RPH3A: variants seen among roughly 807,000 people sequenced by gnomAD.
RPH3A encodes the protein rabphilin 3A, also known as rabphilin-3A.
A neutral mutation model predicts 102.2 loss-of-function variants in RPH3A; 48 were observed. The ratio of observed to expected loss-of-function variants is 0.47; its 90% CI spans 0.37 to 0.60. The LOEUF is 0.60. RPH3A is among the 20% of genes least tolerant of loss of function. The pLI is 0.00. For synonymous variants in RPH3A, 310 were observed against 324.3 expected, an observed-to-expected ratio of 0.96 and a Z score of 0.47; for missense variants, 781 against 910.1, an observed-to-expected ratio of 0.86 and a Z score of 1.83.
At chr12:112,783,522 T>C (rs2041023154) in intron 1 of RPH3A, among the ~76,000 whole-genome samples, 2 of 152,216 alleles carry the variant, frequency 1.3e-5, no homozygotes, top group Non-Finnish European at 2.9e-5. Flanking sequence ...TTAGTCATTT[T>C]GGTATCTCCA....
intron 1 of RPH3A, among the ~76,000 whole-genome samples, chr12:112,616,977 T>C (rs2039685043): frequency 6.6e-6 from 1 of 152,200 alleles, no homozygotes; most frequent in Non-Finnish European, 1.5e-5. Flanking sequence ...AGATTTTGAC[T>C]CTGGGCAAGG....
intron 5 of RPH3A, among the ~76,000 whole-genome samples, chr12:112,863,038 G>A (rs1026456175): frequency 6.6e-5 from 10 of 152,152 alleles, no homozygotes; most frequent in African/African-American, 2.4e-4. Flanking sequence ...CCTCATTTGA[G>A]GGATGGGCAA....
intron 5 of RPH3A, among the ~76,000 whole-genome samples, chr12:112,851,285 T>A (rs2042318930): frequency 6.6e-6 from 1 of 152,216 alleles, no homozygotes; most frequent in South Asian, 2.1e-4. Flanking sequence ...AAGGTACACA[T>A]CCCTATTGGC....
intron 5 of RPH3A, among the ~76,000 whole-genome samples, chr12:112,855,510 C>T (rs894097415): frequency 6.6e-6 from 1 of 152,142 alleles, no homozygotes; most frequent in East Asian, 1.9e-4. Flanking sequence ...AGTGCTGAGG[C>T]CCAGGCAGGA....
At chr12:112,602,799 A>G (rs1455032872) in intron 1 of RPH3A, among the ~76,000 whole-genome samples, 2 of 151,500 alleles carry the variant, frequency 1.3e-5, no homozygotes, top group Non-Finnish European at 2.9e-5. Context: ...TAAAAGAGAG[A>G]AAAAAAAAGA....
At chr12:112,863,195 T>C (rs1223855041) in intron 5 of RPH3A, among the ~76,000 whole-genome samples, 1 of 152,242 alleles carries the variant, frequency 6.6e-6, no homozygotes, top group Non-Finnish European at 1.5e-5. Flanking sequence ...ATGTAGCACC[T>C]CAGGCCCCAC....
At chr12:112,811,923 G>T (rs1004496697) in intron 2 of RPH3A, among the ~76,000 whole-genome samples, 1 of 152,076 alleles carries the variant, frequency 6.6e-6, no homozygotes, top group Non-Finnish European at 1.5e-5. Context: ...TCAACAATAG[G>T]CTAGAACTGA....
intron 1 of RPH3A, among the ~76,000 whole-genome samples, chr12:112,757,590 T>A (rs1289847762): frequency 2.6e-5 from 4 of 152,116 alleles, no homozygotes; most frequent in Non-Finnish European, 5.9e-5. Flanking sequence ...TTAAAAAAAA[T>A]TTTACTCAAC....
chr12:112,661,901 TG>T (rs1237504395), intron 1 of RPH3A, among the ~76,000 whole-genome samples: 1 of 152,124 alleles, frequency 6.6e-6, no homozygotes, highest in East Asian at 1.9e-4. Context: ...CATTTTGGGT[TG>T]GTGGCCATCG....
upstream of RPH3A, among the ~76,000 whole-genome samples, chr12:112,786,813 A>G (rs1175004141): frequency 1.3e-5 from 2 of 152,210 alleles, no homozygotes; most frequent in East Asian, 1.9e-4. Context: ...CTGCTGTAAC[A>G]AATAACCACA....
chr12:112,592,810 G>T (rs1464207074), intron 1 of RPH3A, among the ~76,000 whole-genome samples: 1 of 152,184 alleles, frequency 6.6e-6, no homozygotes, highest in African/African-American at 2.4e-5. Context: ...GACCCTTGTA[G>T]TTAAGCGGGG....
intron 1 of RPH3A, among the ~76,000 whole-genome samples, chr12:112,723,134 T>C (rs558855766): frequency 2.3e-4 from 35 of 152,270 alleles, no homozygotes; most frequent in African/African-American, 8.4e-4. Flanking sequence ...AGTTGGCCCT[T>C]GAGCAGTGTA....
chr12:112,740,141 C>A (rs1438446338), intron 1 of RPH3A, among the ~76,000 whole-genome samples: 1 of 152,136 alleles, frequency 6.6e-6, no homozygotes, highest in Non-Finnish European at 1.5e-5. Context: ...TTGACTGCTT[C>A]TTTTAGCCTT....
chr12:112,890,717 T>A, intron 18 of RPH3A, 132 bp from the exon 19 acceptor site: 1 of 952,954 alleles, frequency 1.0e-6, no homozygotes. Context: ...AGCCATCTGC[T>A]GTCCCTGGTA....
chr12:112,628,290 A>G (rs1416904463), intron 1 of RPH3A, among the ~76,000 whole-genome samples: 2 of 152,068 alleles, frequency 1.3e-5, no homozygotes, highest in African/African-American at 2.4e-5. Flanking sequence ...CTGAGGTTGG[A>G]GTCTGCCTGG....
intron 1 of RPH3A, among the ~76,000 whole-genome samples, chr12:112,760,952 T>G (rs2040850948): frequency 6.6e-6 from 1 of 152,138 alleles, no homozygotes; most frequent in Non-Finnish European, 1.5e-5. Flanking sequence ...CAATCAACAC[T>G]GATATGATGA....
chr12:112,647,593 G>A (rs1342101074), intron 1 of RPH3A, among the ~76,000 whole-genome samples: 1 of 137,906 alleles, frequency 7.3e-6, no homozygotes, highest in African/African-American at 2.7e-5. Context: ...TAGAGAGGGT[G>A]TGTGTGTGTG....
chr12:112,745,786 T>C (rs868405937), intron 1 of RPH3A, among the ~76,000 whole-genome samples: 9 of 152,198 alleles, frequency 5.9e-5, no homozygotes, highest in Non-Finnish European at 1.2e-4. Context: ...TCCATTCCCA[T>C]AGCTCATCTT....
chr12:112,711,414 T>A (rs1338735996), intron 1 of RPH3A, among the ~76,000 whole-genome samples: 1 of 152,086 alleles, frequency 6.6e-6, no homozygotes, highest in Non-Finnish European at 1.5e-5. Flanking sequence ...AAAGAGCACA[T>A]CTCTTTGGGG....
Sources: gnomAD v4.1 joint callset for allele counts (sites outside exome capture counted in the v4.1 genomes callset) on GRCh38, gnomAD v4.1.1 for gene constraint, MANE v1.5 for transcripts, NCBI Gene and HGNC (gene_info 2026-07-23, HGNC 2026-07-21) for gene names.